ASTN2: variants seen among roughly 807,000 people sequenced by gnomAD.
ASTN2 encodes the protein astrotactin 2.
ASTN2 carries 54 observed loss-of-function variants against 139.8 expected under a neutral mutation model. The ratio of observed to expected loss-of-function variants is 0.39; its 90% CI spans 0.31 to 0.48. The LOEUF is 0.48. Among genes scored for constraint, ASTN2 ranks in the 20% least tolerant of loss-of-function variants. ASTN2 has a pLI of 0.95. For missense variants in ASTN2, 1,565 were observed against 1,725.1 expected (o/e 0.91, Z 1.64); for synonymous variants, 756 against 719.5 (o/e 1.05, Z -0.81).
chr9:117,307,982 C>A (rs140634162), intron 1 of ASTN2, among the ~76,000 whole-genome samples: 55 of 152,300 alleles, frequency 3.6e-4, no homozygotes, highest in African/African-American at 1.3e-3. Context: ...AACTGTCCAT[C>A]CACTTAATCC....
intron 10 of ASTN2, among the ~76,000 whole-genome samples, chr9:116,890,179 G>A (rs1833728046): frequency 6.6e-6 from 1 of 152,158 alleles, no homozygotes; most frequent in Admixed American, 6.5e-5. Flanking sequence ...GCCTGGTATT[G>A]GAGAGCCTGT....
chr9:117,031,329 C>T (rs1450641070), intron 6 of ASTN2, among the ~76,000 whole-genome samples: 2 of 152,104 alleles, frequency 1.3e-5, no homozygotes, highest in African/African-American at 4.8e-5. Context: ...TCTTATATGC[C>T]TACTGAGTCA....
intron 19 of ASTN2, among the ~76,000 whole-genome samples, chr9:116,606,011 A>G (rs1855177209): frequency 6.6e-6 from 1 of 152,042 alleles, no homozygotes; most frequent in Non-Finnish European, 1.5e-5. Context: ...GGAGATTTGG[A>G]TTTATTAAAT....
intron 10 of ASTN2, among the ~76,000 whole-genome samples, chr9:116,911,651 T>A (rs1357429264): frequency 6.6e-6 from 1 of 152,170 alleles, no homozygotes; most frequent in Non-Finnish European, 1.5e-5. Context: ...ACGCTTGTAA[T>A]CCCAGCACTT....
chr9:117,243,197 A>T (rs1833267126), intron 2 of ASTN2, among the ~76,000 whole-genome samples: 1 of 152,240 alleles, frequency 6.6e-6, no homozygotes, highest in African/African-American at 2.4e-5. Context: ...GAGGAGTGAT[A>T]CTATGTTGTC....
At chr9:116,566,503 A>T (rs1480844594) in intron 19 of ASTN2, among the ~76,000 whole-genome samples, 1 of 152,150 alleles carries the variant, frequency 6.6e-6, no homozygotes, top group Non-Finnish European at 1.5e-5. Context: ...CATCCCCAGG[A>T]CTCAGAACAG....
chr9:117,060,537 A>AGAAGGAAGGAAGGAAGGAAG (rs1564406871), intron 5 of ASTN2, among the ~76,000 whole-genome samples: 1 of 107,918 alleles, frequency 9.3e-6, no homozygotes, highest in Non-Finnish European at 1.8e-5. Context: ...AAGGAAGGAA[A>AGAAGGAAGGAAGGAAGGAAG]GAAAGAAAGA....
chr9:116,952,609 A>G (rs895077699), intron 10 of ASTN2, among the ~76,000 whole-genome samples: 8 of 152,210 alleles, frequency 5.3e-5, no homozygotes, highest in Non-Finnish European at 1.0e-4. Context: ...CGTGACATGC[A>G]GGGTAATGAA....
At chr9:117,299,943 G>A (rs1834835767) in intron 1 of ASTN2, among the ~76,000 whole-genome samples, 1 of 152,118 alleles carries the variant, frequency 6.6e-6, no homozygotes, top group South Asian at 2.1e-4. Context: ...AAATTACAGA[G>A]CCTCTATGAT....
chr9:116,850,087 C>G (rs891912914), intron 11 of ASTN2, among the ~76,000 whole-genome samples: 16 of 152,190 alleles, frequency 1.1e-4, no homozygotes, highest in African/African-American at 3.9e-4. Context: ...GTCCAGTGTT[C>G]TGGGGACGGA....
At chr9:117,369,706 T>C (rs1414417397) in intron 1 of ASTN2, among the ~76,000 whole-genome samples, 1 of 152,194 alleles carries the variant, frequency 6.6e-6, no homozygotes, top group Admixed American at 6.5e-5. Flanking sequence ...AGGCACTTGA[T>C]GAATACTTGC....
intron 10 of ASTN2, 21 bp downstream of exon 10, chr9:116,975,187 G>T: frequency 6.2e-7 from 1 of 1,600,098 alleles, no homozygotes; most frequent in Non-Finnish European, 8.5e-7. Flanking sequence ...CCTATGCAGA[G>T]TACTGGAGAT....
At chr9:117,117,116 G>A (rs1461408241) in intron 4 of ASTN2, among the ~76,000 whole-genome samples, 1 of 152,024 alleles carries the variant, frequency 6.6e-6, no homozygotes, top group African/African-American at 2.4e-5. Context: ...CAGCAGTCAA[G>A]AAATCAGGCA....
chr9:117,249,327 G>A (rs1229500975), intron 2 of ASTN2, among the ~76,000 whole-genome samples: 1 of 152,180 alleles, frequency 6.6e-6, no homozygotes, highest in Non-Finnish European at 1.5e-5. Flanking sequence ...TGTCCTTTCT[G>A]TTTAATCTCA....
At chr9:116,853,577 A>T (rs1832666213) in intron 11 of ASTN2, among the ~76,000 whole-genome samples, 1 of 152,068 alleles carries the variant, frequency 6.6e-6, no homozygotes, top group African/African-American at 2.4e-5. Flanking sequence ...ACCCTCTCTC[A>T]CAGACACAGT....
At chr9:116,488,123 A>G (rs1341256303) in intron 19 of ASTN2, among the ~76,000 whole-genome samples, 1 of 152,220 alleles carries the variant, frequency 6.6e-6, no homozygotes, top group East Asian at 1.9e-4. Flanking sequence ...CACCATGTAC[A>G]GGATGGAACA....
intron 12 of ASTN2, among the ~76,000 whole-genome samples, chr9:116,811,642 G>C (rs903369791): frequency 6.6e-6 from 1 of 152,134 alleles, no homozygotes; most frequent in Non-Finnish European, 1.5e-5. Flanking sequence ...GCAGGCTTTG[G>C]TGTCATAATC....
intron 11 of ASTN2, among the ~76,000 whole-genome samples, chr9:116,840,948 G>A (rs1391344927): frequency 6.6e-6 from 1 of 152,034 alleles, no homozygotes; most frequent in Non-Finnish European, 1.5e-5. Context: ...CGGCCAGGCG[G>A]AGAAGCTCCT....
At chr9:117,281,248 A>C (rs1290955538) in intron 2 of ASTN2, among the ~76,000 whole-genome samples, 1 of 152,108 alleles carries the variant, frequency 6.6e-6, no homozygotes, top group Non-Finnish European at 1.5e-5. Flanking sequence ...ATGAATGTGG[A>C]TCTCTCGCCT....
Sources: allele counts gnomAD v4.1 joint callset (sites outside exome capture counted in the v4.1 genomes callset), GRCh38; gene constraint gnomAD v4.1.1; transcripts MANE v1.5; gene names NCBI Gene and HGNC (gene_info 2026-07-23, HGNC 2026-07-21).